BRI3: variants seen among roughly 807,000 people sequenced by gnomAD.
BRI3 encodes the protein brain protein I3.
A neutral mutation model predicts 12.8 loss-of-function variants in BRI3; 6 were observed. The ratio of observed to expected loss-of-function variants is 0.47; its 90% CI spans 0.26 to 0.93. The LOEUF is 0.93. Ranked by LOEUF, BRI3 falls within the 40% of genes least tolerant of loss-of-function variation. The pLI is 0.15. For missense variants in BRI3, 134 were observed against 171.1 expected, an observed-to-expected ratio of 0.78 and a Z score of 1.21; for synonymous variants, 91 against 76.1, an observed-to-expected ratio of 1.20 and a Z score of -1.02.
the BRI3 span, chr7:98,317,291 A>G: frequency 6.2e-6 from 10 of 1,614,036 alleles, no homozygotes; most frequent in Non-Finnish European, 8.5e-6. Flanking sequence ...TCTTCAACTC[A>G]GCTTGGGATT....
chr7:98,307,064 TAACA>T (rs1436378967), intron 1 of BRI3: 1 of 160,126 alleles, frequency 6.2e-6, no homozygotes, highest in Admixed American at 5.9e-5. Flanking sequence ...TGCTAAACCT[TAACA>T]AAGTATATCT....
chr7:98,285,258 TGGG>T lies in BRI3; in HGVS notation c.245+2809_245+2811del, dbSNP rs1235902375. On this transcript the variant is annotated intron_variant, in intron 2 of 2. Coordinates refer to ENST00000297290, the MANE Select transcript of BRI3 (RefSeq NM_015379.5). ...CCAGCGTGGAGGCTGCCACGGCCCTTGGGGGGCAGAGGTGGGCTGTGGAGGGCA... is the reference window on the plus strand; with the variant it reads ...CCAGCGTGGAGGCTGCCACGGCCCTTGGGCAGAGGTGGGCTGTGGAGGGCA... 9.9e-5 allele frequency among the ~76,000 whole-genome samples: 15 copies of T among 152,114 alleles called. No individual in the cohort carries two copies. The East Asian group carries it at 2.7e-3, about 28-fold the overall frequency.
chr7:98,301,475 G>GTATATA (rs60741017), intron 1 of BRI3, among the ~76,000 whole-genome samples: 48,340 of 141,848 alleles, frequency 0.34, 9,878 homozygotes, highest in Middle Eastern at 0.49. Context: ...TTTTTTTTTG[G>GTATATA]TATATATATA....
the BRI3 span, among the ~76,000 whole-genome samples, chr7:98,318,650 T>C: frequency 6.6e-6 from 1 of 151,454 alleles, no homozygotes; most frequent in East Asian, 2.0e-4. Flanking sequence ...GAAGTGCAGA[T>C]AAGAAGGATG....
chr7:98,293,451 G>T, downstream of BRI3: 1 of 1,421,576 alleles, frequency 7.0e-7, no homozygotes, highest in Non-Finnish European at 9.9e-7. Context: ...TCAGCACGTG[G>T]CAGACAGGAT....
At chr7:98,288,691 AG>A (rs1270628420) in intron 2 of BRI3, among the ~76,000 whole-genome samples, 6 of 152,008 alleles carry the variant, frequency 3.9e-5, no homozygotes, top group Non-Finnish European at 8.8e-5. Context: ...GAATGGACAT[AG>A]GGACTGTAGG....
At chr7:98,296,918 C>CA (rs1277928015), downstream of BRI3, among the ~76,000 whole-genome samples, 14 of 152,360 alleles carry the variant, frequency 9.2e-5, no homozygotes, top group Non-Finnish European at 1.0e-4. Context: ...ACACTCAGCC[C>CA]ACTGTGGTGG....
chr7:98,322,339 C>T, the BRI3 span, among the ~76,000 whole-genome samples: 3 of 152,184 alleles, frequency 2.0e-5, no homozygotes, highest in African/African-American at 4.8e-5. Context: ...TTGCTGAACA[C>T]GACCACGCAG....
downstream of BRI3, among the ~76,000 whole-genome samples, chr7:98,313,982 CTTTTTTTTT>C (rs35599338): frequency 4.0e-5 from 4 of 100,940 alleles, no homozygotes; most frequent in African/African-American, 7.4e-5. Flanking sequence ...CTTTTTCTTC[CTTTTTTTTT>C]TTTTTTTTTT....
At chr7:98,310,605 C>A (rs996415989), downstream of BRI3, 2 of 1,550,006 alleles carry the variant, frequency 1.3e-6, no homozygotes, top group South Asian at 2.5e-5. Context: ...GTGAAAAATT[C>A]TTTATTAGTC....
chr7:98,302,284 T>C (rs1800461679), upstream of BRI3, among the ~76,000 whole-genome samples: 2 of 152,250 alleles, frequency 1.3e-5, no homozygotes, highest in Non-Finnish European at 2.9e-5. Flanking sequence ...CGTTTTCATT[T>C]TCTAACACTG....
chr7:98,304,225 G>C (rs768829611), upstream of BRI3: 1 of 1,610,050 alleles, frequency 6.2e-7, no homozygotes, highest in Admixed American at 1.7e-5. Context: ...TTGGACGCTG[G>C]GGCCTTAAAG....
At chr7:98,299,735 T>C (rs1215748179) in intron 1 of BRI3, among the ~76,000 whole-genome samples, 1 of 152,160 alleles carries the variant, frequency 6.6e-6, no homozygotes, top group African/African-American at 2.4e-5. Flanking sequence ...CCACTAGCTG[T>C]ATATGGCTAC....
At chr7:98,309,744 C>G (rs568954371) in exon 2 of BRI3, 4 of 152,444 alleles carry the variant, frequency 2.6e-5, no homozygotes, top group African/African-American at 9.6e-5. Context: ...TGAGACACCC[C>G]ACGTGGATGG....
At chr7:98,286,480 TAG>T (rs922590714) in intron 2 of BRI3, among the ~76,000 whole-genome samples, 21 of 152,256 alleles carry the variant, frequency 1.4e-4, no homozygotes, top group African/African-American at 3.4e-4. Flanking sequence ...GAGGGGCGGC[TAG>T]AGAGAGCCGG....
chr7:98,322,083 G>A, the BRI3 span, among the ~76,000 whole-genome samples: 4 of 152,050 alleles, frequency 2.6e-5, no homozygotes, highest in Non-Finnish European at 5.9e-5. Context: ...GTGACAGAGT[G>A]AGACCCTGTC....
At chr7:98,293,369 G>T (rs1800048610), downstream of BRI3, 4 of 696,646 alleles carry the variant, frequency 5.7e-6, no homozygotes, top group Non-Finnish European at 9.8e-6. Context: ...CCAACTACGT[G>T]AAACAGAGAA....
chr7:98,304,921 A>T (rs1342034802), upstream of BRI3, among the ~76,000 whole-genome samples: 1 of 148,628 alleles, frequency 6.7e-6, no homozygotes, highest in Non-Finnish European at 1.5e-5. Flanking sequence ...GGTGGAGTGC[A>T]GTGGCGCGAT....
intron 2 of BRI3, among the ~76,000 whole-genome samples, chr7:98,289,358 G>C (rs1007235851): frequency 6.6e-6 from 1 of 152,236 alleles, no homozygotes; most frequent in Non-Finnish European, 1.5e-5. Flanking sequence ...GGTGGGGTTT[G>C]GGCTCCCCAG....
Sources: allele counts gnomAD v4.1 joint callset (sites outside exome capture counted in the v4.1 genomes callset), GRCh38; gene constraint gnomAD v4.1.1; transcripts MANE v1.5; gene names NCBI Gene and HGNC (gene_info 2026-07-23, HGNC 2026-07-21).